The following HHAT variants were observed in gnomAD, a reference collection of about 807,000 sequenced individuals.
HHAT encodes protein-cysteine N-palmitoyltransferase HHAT.
HHAT carries 47 observed loss-of-function variants against 70.8 expected under a neutral mutation model. That is an observed-to-expected ratio of 0.66 (90% CI 0.53 to 0.85). HHAT has a LOEUF of 0.85. Ranked by LOEUF, HHAT falls within the 40% of genes least tolerant of loss-of-function variation. The pLI, the probability that HHAT is intolerant of heterozygous loss-of-function variation, is 0.00. For synonymous variants in HHAT, 228 were observed against 247.6 expected (o/e 0.92, Z 0.74); for missense variants, 609 against 604.8 (o/e 1.01, Z -0.07).
chr1:210,629,689 G>A (rs1234044882), intron 11 of HHAT, among the ~76,000 whole-genome samples: 3 of 152,174 alleles, frequency 2.0e-5, no homozygotes, highest in Admixed American at 6.5e-5. Context: ...TTACAGAGAC[G>A]GGTTTCTTTT....
chr1:210,396,734 C>G (rs1356452666), intron 4 of HHAT, among the ~76,000 whole-genome samples: 1 of 152,156 alleles, frequency 6.6e-6, no homozygotes, highest in Non-Finnish European at 1.5e-5. Flanking sequence ...GTGGTATATC[C>G]ACATCATGGA....
chr1:210,474,448 G>A (rs1193631172), intron 8 of HHAT, among the ~76,000 whole-genome samples: 1 of 152,118 alleles, frequency 6.6e-6, no homozygotes, highest in Non-Finnish European at 1.5e-5. Flanking sequence ...GCACCACCAT[G>A]CTTGGCATAT....
chr1:210,498,050 C>T lies in HHAT; in HGVS notation c.1008-15103C>T, dbSNP rs371226269. Among the ~76,000 whole-genome samples, 48 of 152,140 alleles carry T rather than the reference C, an allele frequency of 3.2e-4. 1 individual carries two copies. The South Asian group carries it at 7.5e-3, about 24-fold the overall frequency. ...GATTACAGGCATGAGCCACCGAGCC[C>T]GGCCATAATTTTTTATTTATGTATC... On this transcript the variant is annotated intron_variant, in intron 8 of 11. Transcript: ENST00000261458.
intron 8 of HHAT, among the ~76,000 whole-genome samples, chr1:210,489,195 T>C (rs1010991949): frequency 2.6e-5 from 4 of 152,244 alleles, no homozygotes. Flanking sequence ...AAGTTATTTC[T>C]TTAAAATGTG....
intron 4 of HHAT, among the ~76,000 whole-genome samples, chr1:210,391,742 A>C (rs375149060): frequency 2.0e-5 from 3 of 152,238 alleles, no homozygotes; most frequent in African/African-American, 7.2e-5. Context: ...AAATCCCCTG[A>C]TATCAGTGTT....
intron 9 of HHAT, among the ~76,000 whole-genome samples, chr1:210,526,499 T>A (rs2095252202): frequency 6.6e-6 from 1 of 152,052 alleles, no homozygotes; most frequent in Non-Finnish European, 1.5e-5. Flanking sequence ...AAACCAGAAT[T>A]AAACAAAATT....
intron 9 of HHAT, among the ~76,000 whole-genome samples, chr1:210,540,601 A>G (rs2095420696): frequency 2.6e-5 from 4 of 151,434 alleles, no homozygotes; most frequent in African/African-American, 4.9e-5. Flanking sequence ...GAAAACACAC[A>G]CTATGTGTAT....
At chr1:210,374,632 A>G (rs1448472661) in intron 3 of HHAT, among the ~76,000 whole-genome samples, 3 of 151,602 alleles carry the variant, frequency 2.0e-5, no homozygotes, top group Non-Finnish European at 4.4e-5. Context: ...CTTTTTGTAT[A>G]ATGGGACTTG....
chr1:210,425,528 A>C (rs1230609300), intron 7 of HHAT, among the ~76,000 whole-genome samples: 1 of 152,132 alleles, frequency 6.6e-6, no homozygotes, highest in Non-Finnish European at 1.5e-5. Flanking sequence ...ATGTGCTATA[A>C]AGAAGGGGTC....
intron 9 of HHAT, among the ~76,000 whole-genome samples, chr1:210,535,170 G>A (rs1301058612): frequency 6.6e-6 from 1 of 152,188 alleles, no homozygotes; most frequent in Non-Finnish European, 1.5e-5. Flanking sequence ...TGTTATGCAT[G>A]GAGCTCTGGG....
intron 7 of HHAT, among the ~76,000 whole-genome samples, chr1:210,451,108 AG>A (rs2093748229): frequency 7.0e-6 from 1 of 142,034 alleles, no homozygotes; most frequent in African/African-American, 2.6e-5. Context: ...AAAAAAAAAA[AG>A]TTGTTTGTAG....
At chr1:210,473,032 A>G (rs776177031) in intron 8 of HHAT, among the ~76,000 whole-genome samples, 1 of 152,196 alleles carries the variant, frequency 6.6e-6, no homozygotes, top group South Asian at 2.1e-4. Context: ...GACCTTTAAA[A>G]GGTGCTCAAC....
chr1:210,469,187 C>A (rs773334189), intron 8 of HHAT, among the ~76,000 whole-genome samples: 2 of 151,952 alleles, frequency 1.3e-5, no homozygotes, highest in Non-Finnish European at 2.9e-5. Context: ...AGCTCTGCAC[C>A]GGAGATGTGA....
chr1:210,390,516 T>C (rs555703838), intron 4 of HHAT, among the ~76,000 whole-genome samples: 1 of 152,340 alleles, frequency 6.6e-6, no homozygotes, highest in South Asian at 2.1e-4. Context: ...ATTTTTTTTC[T>C]TTCAGTAGTT....
At chr1:210,619,362 G>A (rs991358771) in intron 10 of HHAT, among the ~76,000 whole-genome samples, 2 of 152,106 alleles carry the variant, frequency 1.3e-5, no homozygotes, top group African/African-American at 2.4e-5. Flanking sequence ...GTCTGTGGCC[G>A]GGGGCACAGG....
intron 2 of HHAT, among the ~76,000 whole-genome samples, chr1:210,358,057 C>A (rs544497627): frequency 1.3e-5 from 2 of 152,254 alleles, no homozygotes; most frequent in East Asian, 3.9e-4. Context: ...TTCTAATAAG[C>A]CTCCCACAAT....
At chr1:210,380,769 G>A (rs1308854723) in intron 3 of HHAT, among the ~76,000 whole-genome samples, 1 of 152,034 alleles carries the variant, frequency 6.6e-6, no homozygotes, top group African/African-American at 2.4e-5. Flanking sequence ...AATAGAGGGA[G>A]CAAAGTGTGG....
chr1:210,385,128 T>C (rs1278534770), intron 3 of HHAT, among the ~76,000 whole-genome samples: 1 of 86,516 alleles, frequency 1.2e-5, no homozygotes, highest in East Asian at 3.9e-4. Flanking sequence ...TATTATATCC[T>C]TTTTTCCACC....
At chr1:210,586,275 CAA>C (rs556222842) in intron 9 of HHAT, among the ~76,000 whole-genome samples, 1 of 151,900 alleles carries the variant, frequency 6.6e-6, no homozygotes, top group African/African-American at 2.4e-5. Context: ...ATCATCTCTA[CAA>C]AAAAAGTTTT....
Sources: allele counts gnomAD v4.1 joint callset (sites outside exome capture counted in the v4.1 genomes callset), GRCh38; gene constraint gnomAD v4.1.1; transcripts MANE v1.5; gene names NCBI Gene and HGNC (gene_info 2026-07-23, HGNC 2026-07-21).